The following RYR2 variants were observed in gnomAD, a reference collection of about 807,000 sequenced individuals.
The protein encoded by RYR2 is ryanodine receptor 2, also known as cardiac muscle ryanodine receptor-calcium release channel.
In RYR2, 227 loss-of-function variants were observed where a neutral mutation model predicts 601.1. The ratio of observed to expected loss-of-function variants is 0.38; its 90% CI spans 0.34 to 0.42. The LOEUF (loss-of-function observed/expected upper bound fraction) is 0.42, where lower values mean the gene tolerates loss of function less well. RYR2 is among the 10% of genes least tolerant of loss of function. The pLI is 1.00. For missense variants in RYR2, 4,646 were observed against 6,156.5 expected (o/e 0.75, Z 8.21); for synonymous variants, 2,223 against 2,175.1 (o/e 1.02, Z -0.61).
Position 237,308,363 on chromosome 1 carries a change from T to G in RYR2, c.169-22515T>G, listed in dbSNP as rs192217866. The stretch of plus-strand genomic sequence containing the variant: ...TTTCAGGAACGTCCTACTCTGTCTA[T>G]GAAGTAGCTGCCCTTTCACCACTGT... On this transcript the variant is annotated intron_variant, in intron 2 of 104. Transcript: ENST00000366574. 5.3e-5 allele frequency among the ~76,000 whole-genome samples: 8 copies of G among 152,308 alleles called. No individual in the cohort carries two copies. In the East Asian group the frequency reaches 1.3e-3, roughly 26 times the overall value.
chr1:237,152,567 C>A (rs973226698), intron 1 of RYR2, among the ~76,000 whole-genome samples: 1 of 152,140 alleles, frequency 6.6e-6, no homozygotes, highest in African/African-American at 2.4e-5. Flanking sequence ...GAGATAGTAT[C>A]TCATTGTGGT....
intron 1 of RYR2, among the ~76,000 whole-genome samples, chr1:237,188,153 G>C (rs1302074386): frequency 6.6e-6 from 1 of 152,176 alleles, no homozygotes; most frequent in Non-Finnish European, 1.5e-5. Flanking sequence ...TGCTCTGGCA[G>C]GTTGGCGAAT....
chr1:237,784,570 C>T lies in RYR2; in HGVS notation c.12858C>T (p.Ser4286=), dbSNP rs185482345. The change falls in exon 90 of 105, where the codon TCC becomes TCT. Residue 4286 remains serine, a synonymous_variant. Coordinates refer to ENST00000366574, the MANE Select transcript of RYR2 (RefSeq NM_001035.3). The surrounding 1 kb of genome is among the most constrained non-coding windows in gnomAD (Gnocchi z 7.1). ...VKDMVTAFFS[S]YWSIFMTLLH... ...ACATGGTCACGGCCTTCTTTTCATC[C>T]TACTGGAGTATTTTCATGACCCTCT... 69 of 1,613,938 alleles carry T rather than the reference C, an allele frequency of 4.3e-5. No homozygotes were observed. In the East Asian group the frequency reaches 1.5e-3, roughly 35 times the overall value.
intron 80 of RYR2, among the ~76,000 whole-genome samples, chr1:237,748,850 A>G (rs1573789936): frequency 1.3e-5 from 2 of 152,236 alleles, no homozygotes; most frequent in Non-Finnish European, 2.9e-5. Context: ...TCTGTAGCCA[A>G]CAAGTACAGA....
chr1:237,262,244 A>ATTTTTTTTTTT (rs1688596732), intron 1 of RYR2, among the ~76,000 whole-genome samples: 1 of 35,518 alleles, frequency 2.8e-5, no homozygotes, highest in Non-Finnish European at 5.7e-5. Flanking sequence ...TGTTCTAAAG[A>ATTTTTTTTTTT]GTTTTTTTTT....
rs768538183 is a variant in RYR2, at chr1:237,454,502, G to A, written c.1404G>A (p.Glu468=). 2.5e-6 allele frequency: 4 copies of A among 1,613,402 alleles called. No individual in the cohort carries two copies. Among genetic ancestry groups the A allele is most frequent in the Non-Finnish European group, 3.4e-6 (4 of 1,179,686 alleles). The change falls in exon 15 of 105, where the codon GAG becomes GAA. Residue 468 remains glutamate, a synonymous_variant. Coordinates refer to ENST00000366574, the MANE Select transcript of RYR2 (RefSeq NM_001035.3). ...TTGGCTACTTCCACCCCCCAGATGA[G>A]CATTTAGAGCATGAAGACAAACAGA... is the stretch of plus-strand genomic sequence containing the variant. ...DLIGYFHPPD[E]HLEHEDKQNR...
rs1275409100 is a variant in RYR2, at chr1:237,529,797, A to ACACC, written c.2823-629_2823-628insACCC. On this transcript the variant is annotated intron_variant, in intron 24 of 104. Coordinates refer to ENST00000366574, the MANE Select transcript of RYR2 (RefSeq NM_001035.3). ...CACACACACACACACACACACACAC[A>ACACC]CCACGTATATCTGCTTTAGTAGGTA... 7.4e-3 allele frequency among the ~76,000 whole-genome samples: 1,104 copies of ACACC among 149,844 alleles called. 9 individuals carry two copies. Among genetic ancestry groups the ACACC allele is most frequent in the Non-Finnish European group, 0.011 (767 of 67,358 alleles).
chr1:237,262,997 G>A (rs925385501), intron 1 of RYR2, among the ~76,000 whole-genome samples: 11 of 152,040 alleles, frequency 7.2e-5, no homozygotes, highest in Non-Finnish European at 8.8e-5. Context: ...TACACAAAGA[G>A]CATTGTTTTA....
At chr1:237,533,926 T>C (rs896566531) in intron 25 of RYR2, among the ~76,000 whole-genome samples, 1 of 152,122 alleles carries the variant, frequency 6.6e-6, no homozygotes, top group Non-Finnish European at 1.5e-5. Flanking sequence ...CTTTTGTAGT[T>C]ATTTTATAAT....
rs150567328 is a variant in RYR2 at position 237,647,450 on chromosome 1, GTTATAA to G, written c.7343-987_7343-982del. Reference sequence around the variant, plus strand: ...AAGGAATGTATTAGTTATATTGGGTGTTATAATTATAAGGAACGAATACTACCAGGC... The same window carrying G: ...AAGGAATGTATTAGTTATATTGGGTGTTATAAGGAACGAATACTACCAGGC... On this transcript the variant is annotated intron_variant, in intron 48 of 104. Transcript: ENST00000366574. Among the ~76,000 whole-genome samples, 397 of 152,256 alleles carry G rather than the reference GTTATAA, an allele frequency of 2.6e-3. 1 individual carries two copies. Among genetic ancestry groups the G allele is most frequent in the African/African-American group, 9.0e-3 (376 of 41,550 alleles).
chr1:237,336,923 C>T (rs1162655622), intron 3 of RYR2, among the ~76,000 whole-genome samples: 1 of 150,154 alleles, frequency 6.7e-6, no homozygotes. Context: ...TATAAAACCC[C>T]TATCTCTTTA....
At chr1:237,153,237 G>A (rs116551065) in intron 1 of RYR2, among the ~76,000 whole-genome samples, 7 of 152,140 alleles carry the variant, frequency 4.6e-5, no homozygotes, top group Non-Finnish European at 7.3e-5. Context: ...TTGAGATTTG[G>A]GGGGAGGGGA....
At chr1:237,421,918 G>C (rs1275142091) in intron 11 of RYR2, among the ~76,000 whole-genome samples, 1 of 151,966 alleles carries the variant, frequency 6.6e-6, no homozygotes. Context: ...GCCTTGAATT[G>C]GAATTATCTA....
chr1:237,526,704 T>G (rs1667627000), intron 24 of RYR2, among the ~76,000 whole-genome samples: 1 of 152,202 alleles, frequency 6.6e-6, no homozygotes, highest in South Asian at 2.1e-4. Flanking sequence ...GTTTAAGTTC[T>G]GTGTGGATTC....
At chr1:237,822,442 G>A (rs546733498) in intron 101 of RYR2, among the ~76,000 whole-genome samples, 3 of 152,222 alleles carry the variant, frequency 2.0e-5, no homozygotes, top group East Asian at 1.9e-4. Flanking sequence ...CTTCAAAAGC[G>A]AAGGAGTAAT....
In RYR2 at chr1:237,042,332, C is replaced by T; in HGVS notation, c.-190C>T. ...CAGGGAGGCCCCGCGCCTCGACCAC[C>T]CGCGCCCGAGCGTCCGCGCCTCCTC... On this transcript the variant is annotated 5_prime_UTR_variant, in exon 1 of 105. Transcript: ENST00000366574. The T allele has an allele frequency of 2.8e-6, 1 of 358,338 alleles. No individual in the cohort carries two copies. The highest frequency in any genetic ancestry group is 4.4e-6 in the Non-Finnish European group (1 of 225,700). 22.2% of individuals were successfully genotyped at this position (358,338 alleles called of 1,614,324 possible).
intron 1 of RYR2, among the ~76,000 whole-genome samples, chr1:237,238,567 A>G (rs1051760364): frequency 3.9e-5 from 6 of 152,212 alleles, no homozygotes; most frequent in Non-Finnish European, 7.3e-5. Context: ...CTCTGCTAAC[A>G]TAATAAAGCA....
In RYR2 at chr1:237,434,263, TCATTGG is replaced by T. The variant is rs528495352; in HGVS notation, c.1006-7055_1006-7050del. Among the ~76,000 whole-genome samples the T allele has an allele frequency of 1.2e-4, 18 of 152,314 alleles. No individual in the cohort carries two copies. The East Asian group carries it at 3.5e-3, about 29-fold the overall frequency. ...GACATAAGGAGCATTTCCTCAATTG[TCATTGG>T]GGTGTCTTTGACAGTAATGTGAACA... On this transcript the variant is annotated intron_variant, in intron 12 of 104. Coordinates refer to ENST00000366574, the MANE Select transcript of RYR2 (RefSeq NM_001035.3).
chr1:237,404,445 G>C (rs965217316), intron 10 of RYR2, among the ~76,000 whole-genome samples: 1 of 152,100 alleles, frequency 6.6e-6, no homozygotes, highest in African/African-American at 2.4e-5. Context: ...GTAAAAGAAT[G>C]TAAAATTAAA....
Sources: allele counts gnomAD v4.1 joint callset (sites outside exome capture counted in the v4.1 genomes callset), GRCh38; gene constraint gnomAD v4.1.1; non-coding constraint Gnocchi (gnomAD v3.1); transcripts MANE v1.5; gene names NCBI Gene and HGNC (gene_info 2026-07-23, HGNC 2026-07-21).